PPARGC1A: variants seen among roughly 807,000 people sequenced by gnomAD.
The protein encoded by PPARGC1A is PPARG coactivator 1 alpha.
Under a neutral mutation model 88.7 loss-of-function variants are expected in PPARGC1A, and 25 were observed. That is an observed-to-expected ratio of 0.28 (90% CI 0.21 to 0.39). The LOEUF (loss-of-function observed/expected upper bound fraction) is 0.39. Among genes scored for constraint, PPARGC1A ranks in the 10% least tolerant of loss-of-function variants. PPARGC1A has a pLI of 1.00. For synonymous variants in PPARGC1A, 363 were observed against 355.6 expected, an observed-to-expected ratio of 1.02 and a Z score of -0.24; for missense variants, 880 against 968.7, an observed-to-expected ratio of 0.91 and a Z score of 1.22.
the PPARGC1A span, among the ~76,000 whole-genome samples, chr4:23,981,907 G>C: frequency 6.6e-6 from 1 of 152,008 alleles, no homozygotes; most frequent in Non-Finnish European, 1.5e-5. Flanking sequence ...AATTACATAA[G>C]AGTAACTGAA....
At chr4:23,808,688 A>G (rs2109404734) in intron 10 of PPARGC1A, among the ~76,000 whole-genome samples, 1 of 152,316 alleles carries the variant, frequency 6.6e-6, no homozygotes, top group Non-Finnish European at 1.5e-5. Context: ...AATTACAGGA[A>G]AGTGCCAACT....
the PPARGC1A span, among the ~76,000 whole-genome samples, chr4:24,183,188 CA>C: frequency 6.6e-6 from 1 of 152,162 alleles, no homozygotes; most frequent in African/African-American, 2.4e-5. Flanking sequence ...GGTGCAATAA[CA>C]CAAGCAAATG....
At chr4:23,914,534 A>G in the PPARGC1A span, among the ~76,000 whole-genome samples, 1 of 152,190 alleles carries the variant, frequency 6.6e-6, no homozygotes, top group East Asian at 1.9e-4. Flanking sequence ...CACCACCTCT[A>G]AAACTTCCCC....
the PPARGC1A span, among the ~76,000 whole-genome samples, chr4:24,424,575 G>T: frequency 6.6e-6 from 1 of 151,856 alleles, no homozygotes; most frequent in African/African-American, 2.4e-5. Flanking sequence ...GCGCCCAGCC[G>T]CTATACACAC....
the PPARGC1A span, among the ~76,000 whole-genome samples, chr4:24,103,758 G>C: frequency 2.0e-5 from 3 of 152,282 alleles, no homozygotes; most frequent in South Asian, 6.2e-4. Context: ...GTCCCCAAAG[G>C]ACCCCGAGGA....
At chr4:23,931,643 T>C in the PPARGC1A span, among the ~76,000 whole-genome samples, 1 of 152,310 alleles carries the variant, frequency 6.6e-6, no homozygotes, top group South Asian at 2.1e-4. Context: ...TTATTGGCAG[T>C]GTGCCTCTGG....
chr4:24,116,481 A>C, the PPARGC1A span, among the ~76,000 whole-genome samples: 1 of 152,364 alleles, frequency 6.6e-6, no homozygotes, highest in South Asian at 2.1e-4. Flanking sequence ...TTCTAAAAGC[A>C]ATAGTTGCTA....
the PPARGC1A span, among the ~76,000 whole-genome samples, chr4:24,053,570 G>A: frequency 6.6e-6 from 1 of 152,182 alleles, no homozygotes; most frequent in Non-Finnish European, 1.5e-5. Flanking sequence ...TGGAATTTTA[G>A]AGGAATCTCT....
the PPARGC1A span, among the ~76,000 whole-genome samples, chr4:24,255,823 G>A: frequency 9.1e-3 from 1,389 of 152,296 alleles, 28 homozygotes; most frequent in African/African-American, 0.031. Flanking sequence ...GGAGCAAGTC[G>A]CTCCACTGCC....
the PPARGC1A span, among the ~76,000 whole-genome samples, chr4:24,313,691 T>A: frequency 2.0e-5 from 3 of 152,176 alleles, no homozygotes; most frequent in African/African-American, 7.2e-5. Context: ...CATATACTGC[T>A]AGCAGGAATT....
chr4:23,801,027 TTCTC>T lies in PPARGC1A; in HGVS notation c.2293+699_2293+702del, dbSNP rs375231255. 4.0e-3 allele frequency among the ~76,000 whole-genome samples: 614 copies of T among 152,122 alleles called. 7 individuals carry two copies. Among genetic ancestry groups the T allele is most frequent in the African/African-American group, 0.014 (574 of 41,498 alleles). On this transcript the variant is annotated intron_variant, in intron 12 of 12. Coordinates refer to ENST00000264867, the MANE Select transcript of PPARGC1A (RefSeq NM_013261.5). ...ATTTAGTATATGAAATTTAATTTTC[TTCTC>T]TCTTAGTTGTAGTTCATAGAAAATG...
the PPARGC1A span, among the ~76,000 whole-genome samples, chr4:24,321,752 T>C: frequency 1.4e-4 from 22 of 152,358 alleles, no homozygotes; most frequent in South Asian, 4.1e-4. Flanking sequence ...TCTTTAGCTC[T>C]GCAAAGGGCA....
chr4:23,886,025 C>A lies in PPARGC1A; in HGVS notation c.55-1094G>T, dbSNP rs535954447. Among the ~76,000 whole-genome samples the A allele has an allele frequency of 6.6e-5, 10 of 152,250 alleles. No individual in the cohort carries two copies. The South Asian group carries it at 1.9e-3, about 28-fold the overall frequency. ...GGTCTCCTAAACTTGAATTGGCTAC[C>A]TAACCGCTAATGTCAGTCCGCAGAC... is the stretch of plus-strand genomic sequence containing the variant. On this transcript the variant is annotated intron_variant, in intron 1 of 12. Coordinates refer to ENST00000264867, the MANE Select transcript of PPARGC1A (RefSeq NM_013261.5).
chr4:23,976,200 A>G, the PPARGC1A span, among the ~76,000 whole-genome samples: 1 of 152,242 alleles, frequency 6.6e-6, no homozygotes, highest in Non-Finnish European at 1.5e-5. Flanking sequence ...AAGAGGAATC[A>G]TGGGACATTT....
At chr4:24,421,534 C>A in the PPARGC1A span, among the ~76,000 whole-genome samples, 2 of 152,030 alleles carry the variant, frequency 1.3e-5, no homozygotes, top group African/African-American at 4.8e-5. Context: ...GATGATATCG[C>A]TCTCCTGACC....
intron 1 of PPARGC1A, among the ~76,000 whole-genome samples, chr4:23,888,267 T>C (rs1255478916): frequency 4.6e-5 from 7 of 152,198 alleles, no homozygotes; most frequent in Admixed American, 4.6e-4. Flanking sequence ...AGCCAAGACC[T>C]TTCCTCCTTA....
chr4:24,130,264 TG>T, the PPARGC1A span, among the ~76,000 whole-genome samples: 7 of 152,314 alleles, frequency 4.6e-5, no homozygotes, highest in Admixed American at 2.0e-4. Context: ...AGGTAGGTAC[TG>T]TTTTTATATC....
At chr4:24,139,683 C>T in the PPARGC1A span, among the ~76,000 whole-genome samples, 2 of 152,120 alleles carry the variant, frequency 1.3e-5, no homozygotes, top group African/African-American at 4.8e-5. Context: ...CTTGACTGTG[C>T]ATGTTAGCAT....
the PPARGC1A span, among the ~76,000 whole-genome samples, chr4:24,373,203 C>T: frequency 6.6e-6 from 1 of 152,146 alleles, no homozygotes; most frequent in South Asian, 2.1e-4. Context: ...TCAAAGGGAC[C>T]TAATGAGGAA....
Sources: allele counts gnomAD v4.1 joint callset (sites outside exome capture counted in the v4.1 genomes callset), GRCh38; gene constraint gnomAD v4.1.1; transcripts MANE v1.5; gene names NCBI Gene and HGNC (gene_info 2026-07-23, HGNC 2026-07-21).